AKAP12: variants seen among roughly 807,000 people sequenced by gnomAD.
The protein encoded by AKAP12 is A-kinase anchor protein 12.
In AKAP12, 32 loss-of-function variants were observed where a neutral mutation model predicts 79.9. That is an observed-to-expected ratio of 0.40 (90% CI 0.30 to 0.54). AKAP12 has a LOEUF of 0.54. Ranked by LOEUF, AKAP12 falls within the 20% of genes least tolerant of loss-of-function variation. The pLI, the probability that AKAP12 is intolerant of heterozygous loss-of-function variation, is 0.48. For missense variants in AKAP12, 2,074 were observed against 2,177.0 expected, an observed-to-expected ratio of 0.95 and a Z score of 0.94; for synonymous variants, 808 against 857.0, an observed-to-expected ratio of 0.94 and a Z score of 1.00.
At chr6:151,271,817 G>T (rs1776188738) in intron 2 of AKAP12, among the ~76,000 whole-genome samples, 1 of 151,790 alleles carries the variant, frequency 6.6e-6, no homozygotes, top group South Asian at 2.1e-4. Flanking sequence ...TTGCCACCAC[G>T]CCCAGCTAAT....
Position 151,348,772 on chromosome 6 carries a change from G to A in AKAP12, c.381G>A (p.Lys127=), listed in dbSNP as rs766988682. 1.4e-6 allele frequency: 2 copies of A among 1,457,060 alleles called. No homozygotes were observed. Among genetic ancestry groups the A allele is most frequent in the South Asian group, 1.1e-5 (1 of 89,216 alleles). 90.3% of individuals were successfully genotyped at this position (1,457,060 alleles called of 1,614,324 possible). Residue 127 remains lysine (K), a synonymous_variant, in exon 4 of 5, where the codon AAG becomes AAA. Coordinates refer to ENST00000402676, the MANE Select transcript of AKAP12 (RefSeq NM_005100.4). ...ACTCCGATAAAGAGATGGCTACTAAGTCAGCGGTTGTTCACGACATCACAG... is the reference window on the plus strand; with the variant it reads ...ACTCCGATAAAGAGATGGCTACTAAATCAGCGGTTGTTCACGACATCACAG... ...KRDSDKEMAT[K]SAVVHDITDD... is the part of the protein sequence containing the mutation.
intron 2 of AKAP12, among the ~76,000 whole-genome samples, chr6:151,246,501 A>C (rs1329061068): frequency 1.3e-5 from 2 of 152,162 alleles, no homozygotes; most frequent in African/African-American, 4.8e-5. Context: ...TTGCAGTTCC[A>C]CCGTGGAGAT....
intron 3 of AKAP12, among the ~76,000 whole-genome samples, chr6:151,318,765 G>A (rs934942357): frequency 6.6e-6 from 1 of 151,818 alleles, no homozygotes; most frequent in East Asian, 1.9e-4. Context: ...GCAAGACCCC[G>A]TCTCTACAAA....
At chr6:151,332,887 G>A (rs953517358) in intron 3 of AKAP12, among the ~76,000 whole-genome samples, 1 of 152,204 alleles carries the variant, frequency 6.6e-6, no homozygotes, top group Non-Finnish European at 1.5e-5. Context: ...TGAGCACCAC[G>A]ACTGGGCTTT....
chr6:151,312,793 C>CAA (rs55685824), intron 3 of AKAP12, among the ~76,000 whole-genome samples: 1,146 of 72,964 alleles, frequency 0.016, 46 homozygotes, highest in African/African-American at 0.059. Context: ...ACTCTGTCTC[C>CAA]AAAAAAAAAA....
At position 151,331,772 on chromosome 6, in the gene AKAP12, C is replaced by A. The variant is rs369562037; in HGVS notation, c.320-16939C>A. ...TGGTGGCAGGCACCTGTAGTCCCAG[C>A]TACTCGGGAGGCTGAGGCAGGAGAA... On this transcript the variant is annotated intron_variant, in intron 3 of 4. Coordinates refer to ENST00000402676, the MANE Select transcript of AKAP12 (RefSeq NM_005100.4). Among the ~76,000 whole-genome samples the A allele has an allele frequency of 6.3e-4, 96 of 151,296 alleles. No homozygotes were observed. In the East Asian group the frequency reaches 0.018, roughly 28 times the overall value.
Position 151,274,424 on chromosome 6 carries a change from G to A in AKAP12, c.163-31323G>A, listed in dbSNP as rs553491564. Among the ~76,000 whole-genome samples, 27 of 152,244 alleles carry A rather than the reference G, an allele frequency of 1.8e-4. No individual in the cohort carries two copies. The East Asian group carries it at 3.5e-3, about 20-fold the overall frequency. Reference sequence around the variant, plus strand: ...CACCTGGGGGTGTGGTGATGGTGGAGGAGGTGGGGGGGTTGGGTAGTAGGG... The same window carrying A: ...CACCTGGGGGTGTGGTGATGGTGGAAGAGGTGGGGGGGTTGGGTAGTAGGG... On this transcript the variant is annotated intron_variant, in intron 2 of 4. Transcript: ENST00000402676.
At position 151,357,757 on chromosome 6, in the gene AKAP12, C is replaced by T. The variant is rs1008324640; in HGVS notation, c.*2043C>T. 3.1e-5 allele frequency: 4 copies of T among 128,496 alleles called. No homozygotes were observed. The highest frequency in any genetic ancestry group is 6.3e-5 in the Non-Finnish European group (4 of 63,446). 8.0% of individuals were successfully genotyped at this position (128,496 alleles called of 1,614,324 possible). On this transcript the variant is annotated 3_prime_UTR_variant, in exon 5 of 5. Coordinates refer to ENST00000402676, the MANE Select transcript of AKAP12 (RefSeq NM_005100.4). The stretch of plus-strand genomic sequence containing the variant: ...GCCAACTGAGATTGAAATCCAAGTG[C>T]TGGTTTCTAGTTCTGAACATCAACT...
intron 2 of AKAP12, among the ~76,000 whole-genome samples, chr6:151,249,071 G>T (rs554603160): frequency 9.2e-5 from 14 of 152,130 alleles, no homozygotes; most frequent in African/African-American, 2.9e-4. Flanking sequence ...TGAAATGCCC[G>T]TATCCCTACT....
intron 2 of AKAP12, among the ~76,000 whole-genome samples, chr6:151,303,721 G>T (rs1776908956): frequency 6.6e-6 from 1 of 152,278 alleles, no homozygotes; most frequent in East Asian, 1.9e-4. Context: ...TCCAGACCTG[G>T]AATACCCTTT....
chr6:151,342,093 G>A (rs975310694), intron 3 of AKAP12, among the ~76,000 whole-genome samples: 2 of 152,252 alleles, frequency 1.3e-5, no homozygotes, highest in Admixed American at 6.5e-5. Context: ...GTCAGCTGGG[G>A]AGGTGGGCGG....
intron 2 of AKAP12, among the ~76,000 whole-genome samples, chr6:151,275,199 G>A (rs1776269546): frequency 1.3e-5 from 2 of 152,182 alleles, no homozygotes; most frequent in South Asian, 4.2e-4. Context: ...CCCAACCACT[G>A]TTTCTGTTCC....
intron 2 of AKAP12, among the ~76,000 whole-genome samples, chr6:151,241,949 A>G (rs368288157): frequency 9.8e-4 from 149 of 151,910 alleles, no homozygotes; most frequent in African/African-American, 3.2e-3. Context: ...CCAGTCTTTG[A>G]TTCATAACTA....
rs761651912 is a variant in AKAP12, at chr6:151,351,148, AGAACCTCTT to A, written c.2762_2770del (p.Pro921_Glu923del). 6.2e-7 allele frequency: 1 copy of A among 1,614,256 alleles called. No individual in the cohort carries two copies. Among genetic ancestry groups the A allele is most frequent in the African/African-American group, 1.3e-5 (1 of 75,068 alleles). ...CTTCTTGGATATCTGCTTCAGTGAC[AGAACCTCTT>A]GAACAAGTAGAAGCTGAAGCCGCAC... is the stretch of plus-strand genomic sequence containing the variant. On this transcript the variant is annotated inframe_deletion, in exon 4 of 5. Transcript: ENST00000402676. This position sits in a 1 kb window ranked among gnomAD's most constrained non-coding sequence, Gnocchi z 4.4.
intron 2 of AKAP12, among the ~76,000 whole-genome samples, chr6:151,290,398 C>G (rs1326238564): frequency 6.6e-6 from 1 of 152,116 alleles, no homozygotes; most frequent in Non-Finnish European, 1.5e-5. Flanking sequence ...TTATCTCATT[C>G]TCCTAGCACA....
intron 2 of AKAP12, among the ~76,000 whole-genome samples, chr6:151,289,021 T>C (rs1336017407): frequency 1.3e-5 from 2 of 152,226 alleles, no homozygotes; most frequent in Non-Finnish European, 2.9e-5. Flanking sequence ...CCGTAATCAG[T>C]ACCTACTGCA....
Position 151,263,432 on chromosome 6 carries a change from T to C in AKAP12, c.162+22708T>C, listed in dbSNP as rs536127232. Among the ~76,000 whole-genome samples, 4 of 152,282 alleles carry C rather than the reference T, an allele frequency of 2.6e-5. No individual in the cohort carries two copies. In the South Asian group the frequency reaches 8.3e-4, roughly 32 times the overall value. On this transcript the variant is annotated intron_variant, in intron 2 of 4. Transcript: ENST00000402676. ...CTTAACTTCCTGAAAGCTTTGCTTT[T>C]CCACTAACTCAGAACTCTTCCTCTA...
At chr6:151,264,600 G>A (rs1282562217) in intron 2 of AKAP12, among the ~76,000 whole-genome samples, 1 of 151,352 alleles carries the variant, frequency 6.6e-6, no homozygotes, top group Non-Finnish European at 1.5e-5. Flanking sequence ...GAACCCGGGA[G>A]GCAGAGGTTG....
intron 3 of AKAP12, among the ~76,000 whole-genome samples, chr6:151,316,935 G>T (rs1777249953): frequency 6.6e-6 from 1 of 152,158 alleles, no homozygotes; most frequent in South Asian, 2.1e-4. Flanking sequence ...ACCACACCCG[G>T]CCAGGACTCC....
Sources: gnomAD v4.1 joint callset for allele counts (sites outside exome capture counted in the v4.1 genomes callset) on GRCh38, gnomAD v4.1.1 for gene constraint, Gnocchi (gnomAD v3.1) non-coding constraint, MANE v1.5 for transcripts, NCBI Gene and HGNC (gene_info 2026-07-23, HGNC 2026-07-21) for gene names.